The following GNS variants were observed in gnomAD, a reference collection of about 807,000 sequenced individuals.
GNS encodes glucosamine (N-acetyl)-6-sulfatase, also known as N-acetylglucosamine-6-sulfatase.
Under a neutral mutation model 69.7 loss-of-function variants are expected in GNS, and 40 were observed. That is an observed-to-expected ratio of 0.57 (90% CI 0.45 to 0.75). GNS has a LOEUF of 0.75. GNS is among the 30% of genes least tolerant of loss of function. The pLI is 0.00. For missense variants in GNS, 565 were observed against 685.5 expected (o/e 0.82, Z 1.96); for synonymous variants, 243 against 251.6 (o/e 0.97, Z 0.32).
chr12:64,725,489 C>T (rs1262498541), intron 10 of GNS, among the ~76,000 whole-genome samples: 1 of 152,124 alleles, frequency 6.6e-6, no homozygotes, highest in African/African-American at 2.4e-5. Context: ...GCTAGTGCAA[C>T]CGAAGAACTG....
At chr12:64,722,320 A>G (rs1026337129) in intron 11 of GNS, among the ~76,000 whole-genome samples, 3 of 152,082 alleles carry the variant, frequency 2.0e-5, no homozygotes, top group African/African-American at 7.2e-5. Flanking sequence ...ACCCAGCCCA[A>G]ATGACTCATT....
intron 9 of GNS, among the ~76,000 whole-genome samples, chr12:64,733,182 C>T (rs184973408): frequency 7.3e-5 from 11 of 151,176 alleles, no homozygotes; most frequent in African/African-American, 2.7e-4. Context: ...CCTATAGTCC[C>T]AGCTACTCAG....
chr12:64,755,349 G>A (rs952363199), intron 1 of GNS, among the ~76,000 whole-genome samples: 16 of 152,172 alleles, frequency 1.1e-4, no homozygotes, highest in African/African-American at 3.6e-4. Flanking sequence ...AGGCTGAAGT[G>A]GGCGGATCAC....
rs1868794045 is a variant in GNS, at chr12:64,714,249, T to C, written c.*2492A>G. 1 of 152,342 alleles carries C rather than the reference T, an allele frequency of 6.6e-6. No homozygotes were observed. The highest frequency in any genetic ancestry group is 1.9e-4 in the East Asian group (1 of 5,196). The allele number at this position is 152,342 out of a possible 1,614,324, so 9.4% of individuals were successfully genotyped here. ...GAAATTGTATAAGGCAAACTCTCTA[T>C]TCATTCCTAAGGCCTCTGTTCATTC... On this transcript the variant is annotated 3_prime_UTR_variant, in exon 14 of 14. Transcript: ENST00000258145.
chr12:64,748,050 A>AT (rs1407154911), intron 2 of GNS, 132 bp from the exon 3 acceptor site: 11 of 683,494 alleles, frequency 1.6e-5, no homozygotes, highest in African/African-American at 3.6e-5. Context: ...GAATATATAT[A>AT]TTTTTTTCTA....
At chr12:64,748,331 G>C (rs2136250190) in intron 2 of GNS, among the ~76,000 whole-genome samples, 1 of 151,180 alleles carries the variant, frequency 6.6e-6, no homozygotes, top group Admixed American at 6.6e-5. Flanking sequence ...CTCCCTAACA[G>C]CTTGGAGTAC....
chr12:64,724,298 T>C lies in GNS; in HGVS notation c.1201-1185A>G, dbSNP rs556511161. ...AAATGCAAATTCTTAGTTCCTAACG[T>C]AGGTAGACAGCAACCTGGGTTTTAG... On this transcript the variant is annotated intron_variant, in intron 10 of 13. Coordinates refer to ENST00000258145, the MANE Select transcript of GNS (RefSeq NM_002076.4). Among the ~76,000 whole-genome samples, 5 of 152,348 alleles carry C rather than the reference T, an allele frequency of 3.3e-5. No individual in the cohort carries two copies. In the South Asian group the frequency reaches 1.0e-3, roughly 32 times the overall value.
At chr12:64,726,042 C>T (rs1464914656) in intron 10 of GNS, among the ~76,000 whole-genome samples, 1 of 118,808 alleles carries the variant, frequency 8.4e-6, no homozygotes, top group Non-Finnish European at 1.8e-5. Context: ...TAATAAGGTA[C>T]AAAGTATAAG....
intron 9 of GNS, among the ~76,000 whole-genome samples, chr12:64,733,920 T>C (rs1267241113): frequency 6.6e-6 from 1 of 152,246 alleles, no homozygotes; most frequent in African/African-American, 2.4e-5. Context: ...TCTACACATA[T>C]GACCTTGTCC....
chr12:64,742,745 C>T (rs1041879961), intron 6 of GNS, among the ~76,000 whole-genome samples: 2 of 152,182 alleles, frequency 1.3e-5, no homozygotes, highest in Non-Finnish European at 2.9e-5. Flanking sequence ...TTCAACTTCC[C>T]TTTCCAACCA....
rs1869542321 is a variant in GNS at position 64,735,849 on chromosome 12, AG to A, written c.1098+1154del. On this transcript the variant is annotated intron_variant, in intron 9 of 13. Transcript: ENST00000258145. ...ACTAGCTTTAGGAATGTGGGTCTTC[AG>A]AGAAAAACACAAAACGTAATTATGA... Among the ~76,000 whole-genome samples the A allele has an allele frequency of 4.6e-5, 7 of 152,364 alleles. No individual in the cohort carries two copies. The South Asian group carries it at 1.4e-3, about 32-fold the overall frequency.
chr12:64,756,334 T>C (rs776753468), intron 1 of GNS, among the ~76,000 whole-genome samples: 5 of 152,230 alleles, frequency 3.3e-5, no homozygotes, highest in African/African-American at 7.2e-5. Flanking sequence ...AAAATGAAGA[T>C]ATTATACACA....
At chr12:64,718,787 C>T (rs532654345) in intron 13 of GNS, among the ~76,000 whole-genome samples, 9 of 152,346 alleles carry the variant, frequency 5.9e-5, no homozygotes, top group South Asian at 4.1e-4. Context: ...TAACTGCTAT[C>T]GACATCTAAC....
intron 1 of GNS, among the ~76,000 whole-genome samples, chr12:64,754,000 T>C (rs1468596452): frequency 6.6e-6 from 1 of 152,228 alleles, no homozygotes; most frequent in Non-Finnish European, 1.5e-5. Flanking sequence ...GAAATGAGGA[T>C]TCAAAGAGTA....
intron 1 of GNS, chr12:64,756,884 G>A: frequency 1.7e-6 from 1 of 599,852 alleles, no homozygotes; most frequent in Non-Finnish European, 2.9e-6. Context: ...GGCCGAGACA[G>A]TGGCTCATGC....
At chr12:64,756,855 T>C (rs878927910) in intron 1 of GNS, 3 of 652,738 alleles carry the variant, frequency 4.6e-6, no homozygotes, top group Non-Finnish European at 8.0e-6. Flanking sequence ...TAGAAACACT[T>C]ATTAAAAAAA....
At chr12:64,730,951 A>G (rs1869371893) in intron 9 of GNS, among the ~76,000 whole-genome samples, 1 of 152,214 alleles carries the variant, frequency 6.6e-6, no homozygotes, top group Non-Finnish European at 1.5e-5. Context: ...TTTAAAAGAA[A>G]AGAGGAAACA....
intron 10 of GNS, among the ~76,000 whole-genome samples, chr12:64,727,389 T>C (rs1190621216): frequency 6.6e-6 from 1 of 150,810 alleles, no homozygotes; most frequent in East Asian, 2.0e-4. Context: ...TGAGCTGTGA[T>C]TGGCAACACT....
intron 10 of GNS, among the ~76,000 whole-genome samples, chr12:64,726,841 A>G (rs1466525433): frequency 6.6e-6 from 1 of 152,120 alleles, no homozygotes; most frequent in Non-Finnish European, 1.5e-5. Flanking sequence ...TAAGGAGACT[A>G]TGATACGCAA....
Sources: allele counts gnomAD v4.1 joint callset (sites outside exome capture counted in the v4.1 genomes callset), GRCh38; gene constraint gnomAD v4.1.1; transcripts MANE v1.5; gene names NCBI Gene and HGNC (gene_info 2026-07-23, HGNC 2026-07-21).